The following SPOCK3 variants were observed in gnomAD, a reference collection of about 807,000 sequenced individuals.
SPOCK3 encodes SPARC (osteonectin), cwcv and kazal like domains proteoglycan 3, also known as testican-3.
SPOCK3 carries 30 observed loss-of-function variants against 56.6 expected under a neutral mutation model. The ratio of observed to expected loss-of-function variants is 0.53; its 90% confidence interval spans 0.40 to 0.72. The LOEUF (loss-of-function observed/expected upper bound fraction) is 0.72, where lower values mean the gene tolerates loss of function less well. Among genes scored for constraint, SPOCK3 ranks in the 30% least tolerant of loss-of-function variants. SPOCK3 has a pLI of 0.00. For synonymous variants in SPOCK3, 196 were observed against 183.3 expected (o/e 1.07, Z -0.56); for missense variants, 527 against 530.0 (o/e 0.99, Z 0.06).
chr4:166,910,645 G>A (rs1560999461), intron 5 of SPOCK3, among the ~76,000 whole-genome samples: 1 of 152,076 alleles, frequency 6.6e-6, no homozygotes, highest in Non-Finnish European at 1.5e-5. Context: ...ACTAAATTGG[G>A]AAAGGAAGGA....
intron 2 of SPOCK3, among the ~76,000 whole-genome samples, chr4:167,165,534 C>T (rs777206412): frequency 1.3e-5 from 2 of 151,922 alleles, no homozygotes; most frequent in East Asian, 1.9e-4. Flanking sequence ...GTCAGAATGG[C>T]GATTATTAAA....
At position 167,110,041 on chromosome 4, in the gene SPOCK3, G is replaced by A. The variant is rs138716715; in HGVS notation, c.190-47504C>T. 2.3e-3 allele frequency among the ~76,000 whole-genome samples: 352 copies of A among 152,014 alleles called. 2 individuals carry two copies. Among genetic ancestry groups the A allele is most frequent in the Middle Eastern group, 0.014 (4 of 294 alleles). ...CTTCCTCTCTCTAGGGTATTTGCTT[G>A]GGTAAAGCATAATTCTTTAAGCCAC... On this transcript the variant is annotated intron_variant, in intron 2 of 10. Transcript: ENST00000357545.
At chr4:166,862,495 T>C (rs1447639613) in intron 6 of SPOCK3, among the ~76,000 whole-genome samples, 1 of 152,100 alleles carries the variant, frequency 6.6e-6, no homozygotes, top group African/African-American at 2.4e-5. Context: ...GTATTGCTAC[T>C]AACTTTTTTA....
intron 2 of SPOCK3, among the ~76,000 whole-genome samples, chr4:167,194,020 C>T (rs531232363): frequency 3.3e-5 from 5 of 152,134 alleles, no homozygotes; most frequent in South Asian, 4.2e-4. Context: ...TTTTGGTATC[C>T]GATAGGTCCA....
At chr4:166,772,662 A>G (rs1304343517) in intron 7 of SPOCK3, among the ~76,000 whole-genome samples, 1 of 152,208 alleles carries the variant, frequency 6.6e-6, no homozygotes, top group Non-Finnish European at 1.5e-5. Context: ...AGGAGTCTGA[A>G]TATTACTTGA....
intron 4 of SPOCK3, among the ~76,000 whole-genome samples, chr4:166,945,647 T>C (rs1213688430): frequency 6.6e-6 from 1 of 152,156 alleles, no homozygotes; most frequent in Admixed American, 6.5e-5. Flanking sequence ...TCACTCCAAT[T>C]GACCACTAAT....
Position 166,735,014 on chromosome 4 carries a change from G to T in SPOCK3, c.1209C>A (p.Asp403Glu), listed in dbSNP as rs147816230. The T allele has an allele frequency of 4.9e-5, 77 of 1,562,154 alleles. No individual in the cohort carries two copies. The highest frequency in any genetic ancestry group is 6.4e-5 in the Non-Finnish European group (73 of 1,134,698). ...HEWTDDEDDEDDIMNDEDEIE... is the reference protein window; with the variant it reads ...HEWTDDEDDEEDIMNDEDEIE... ...TTTCATCTTCATCATTCATAATATC[G>T]TCTTCATCATCCTCATCATCAGTCC... The change falls in exon 11 of 11, where the codon GAC (aspartate) becomes GAA (glutamate). Residue 403 changes from aspartate to glutamate, a missense_variant. Physicochemically the swap from Asp to Glu is conservative, Grantham distance 45. Transcript: ENST00000357545.
At chr4:166,995,376 G>A (rs755693590) in intron 4 of SPOCK3, among the ~76,000 whole-genome samples, 23 of 151,910 alleles carry the variant, frequency 1.5e-4, no homozygotes, top group Non-Finnish European at 2.4e-4. Context: ...AAAGTACAAT[G>A]ACCATTTGTA....
chr4:167,191,141 G>GT lies in SPOCK3; in HGVS notation c.189+42843dup, dbSNP rs1455671393. On this transcript the variant is annotated intron_variant, in intron 2 of 10. Coordinates refer to ENST00000357545, the MANE Select transcript of SPOCK3 (RefSeq NM_001040159.2). ...GTGGTTTCATACACAGTATAGGATTGTTTTTTTATTTTCTATTTCTGTGAA... is the reference window on the plus strand; with the variant it reads ...GTGGTTTCATACACAGTATAGGATTGTTTTTTTTATTTTCTATTTCTGTGAA... Among the ~76,000 whole-genome samples, 3 of 145,298 alleles carry GT rather than the reference G, an allele frequency of 2.1e-5. 1 individual carries two copies. The highest frequency in any genetic ancestry group is 5.2e-5 in the African/African-American group (2 of 38,136).
intron 2 of SPOCK3, among the ~76,000 whole-genome samples, chr4:167,135,943 A>T (rs971460592): frequency 4.6e-5 from 7 of 152,118 alleles, no homozygotes; most frequent in African/African-American, 1.7e-4. Flanking sequence ...CCATTTTTTA[A>T]AAGTACATGT....
At chr4:167,149,682 C>T (rs538507329) in intron 2 of SPOCK3, among the ~76,000 whole-genome samples, 1 of 152,068 alleles carries the variant, frequency 6.6e-6, no homozygotes, top group Admixed American at 6.6e-5. Context: ...ATTGCTTTCT[C>T]TCATTTTGGA....
chr4:167,109,876 C>T (rs1057086569), intron 2 of SPOCK3, among the ~76,000 whole-genome samples: 4 of 151,764 alleles, frequency 2.6e-5, no homozygotes, highest in African/African-American at 7.3e-5. Context: ...CTTTCTACTG[C>T]ATTTTCTATG....
At position 166,912,692 on chromosome 4, in the gene SPOCK3, G is replaced by A. The variant is rs773033592; in HGVS notation, c.402C>T (p.Ser134=). Residue 134 remains serine (S), a synonymous_variant, in exon 5 of 11, where the codon TCC becomes TCT. Transcript: ENST00000357545. ...AGACCACTGGGCACTGCTTGCAGGTGGATAATATGGGACCCCTCCACTGCC... is the reference window on the plus strand; with the variant it reads ...AGACCACTGGGCACTGCTTGCAGGTAGATAATATGGGACCCCTCCACTGCC... The part of the protein sequence containing the change: ...DHRQWRGPIL[S]TCKQCPVVYP... 4 of 1,613,164 alleles carry A rather than the reference G, an allele frequency of 2.5e-6. No individual in the cohort carries two copies. Among genetic ancestry groups the A allele is most frequent in the Non-Finnish European group, 3.4e-6 (4 of 1,179,616 alleles).
intron 6 of SPOCK3, 152 bp downstream of exon 6, chr4:166,888,978 C>T (rs1734483770): frequency 4.9e-6 from 3 of 615,374 alleles, no homozygotes; most frequent in Admixed American, 3.0e-5. Context: ...ATAGTTGAGG[C>T]TAACAGGAAA....
At chr4:167,184,241 G>A (rs976409391) in intron 2 of SPOCK3, among the ~76,000 whole-genome samples, 3 of 152,122 alleles carry the variant, frequency 2.0e-5, no homozygotes, top group Non-Finnish European at 4.4e-5. Flanking sequence ...AGTCTGACAA[G>A]AGAATATATC....
chr4:167,149,180 G>T (rs923938561), intron 2 of SPOCK3, among the ~76,000 whole-genome samples: 1 of 152,062 alleles, frequency 6.6e-6, no homozygotes, highest in Non-Finnish European at 1.5e-5. Context: ...ATATCATTCA[G>T]TTCTCTCAGT....
chr4:166,774,439 T>A (rs903391000), intron 7 of SPOCK3, among the ~76,000 whole-genome samples: 1 of 152,138 alleles, frequency 6.6e-6, no homozygotes, highest in Non-Finnish European at 1.5e-5. Flanking sequence ...TATGTGATAT[T>A]TTTCTCTGGC....
intron 2 of SPOCK3, among the ~76,000 whole-genome samples, chr4:167,166,904 T>C (rs1730013040): frequency 6.6e-6 from 1 of 152,152 alleles, no homozygotes; most frequent in Non-Finnish European, 1.5e-5. Flanking sequence ...AAACTGAGTC[T>C]TTTCATAACG....
At position 166,734,267 on chromosome 4, in the gene SPOCK3, A is replaced by G. The variant is rs1734004106; in HGVS notation, c.*654T>C. 1 of 151,910 alleles carries G rather than the reference A, an allele frequency of 6.6e-6. No homozygotes were observed. 9.4% of individuals were successfully genotyped at this position (151,910 alleles called of 1,614,324 possible). On this transcript the variant is annotated 3_prime_UTR_variant, in exon 11 of 11. Transcript: ENST00000357545. ...CAAATTAAAATACACATTGGGGAGA[A>G]CAACTAAATTTTTAACTTTCAGAAT...
Sources: gnomAD v4.1 joint callset for allele counts (sites outside exome capture counted in the v4.1 genomes callset) on GRCh38, gnomAD v4.1.1 for gene constraint, MANE v1.5 for transcripts, NCBI Gene and HGNC (gene_info 2026-07-23, HGNC 2026-07-21) for gene names.